The following RBFOX1 variants were observed in gnomAD, a reference collection of about 807,000 sequenced individuals.
RBFOX1 encodes the protein RNA binding protein fox-1 homolog 1.
RBFOX1 carries 8 observed loss-of-function variants against 57.7 expected under a neutral mutation model. The ratio of observed to expected loss-of-function variants is 0.14; its 90% CI spans 0.08 to 0.25. RBFOX1 has a LOEUF of 0.25. RBFOX1 is among the 10% of genes least tolerant of loss of function. RBFOX1 has a pLI of 1.00. For missense variants in RBFOX1, 611 were observed against 548.5 expected, an observed-to-expected ratio of 1.11 and a Z score of -1.14; for synonymous variants, 326 against 222.4, an observed-to-expected ratio of 1.47 and a Z score of -4.15.
chr16:5,647,807 T>A (rs1344454234), intron 3 of RBFOX1, among the ~76,000 whole-genome samples: 1 of 152,182 alleles, frequency 6.6e-6, no homozygotes, highest in Non-Finnish European at 1.5e-5. Context: ...ATTTTAAAAA[T>A]CTCTGCTTCC....
At chr16:6,752,734 T>C (rs901632981) in intron 3 of RBFOX1, among the ~76,000 whole-genome samples, 1 of 152,192 alleles carries the variant, frequency 6.6e-6, no homozygotes, top group Non-Finnish European at 1.5e-5. Flanking sequence ...TTCAAAACTT[T>C]CCTATCCCCC....
At chr16:6,571,702 G>C (rs954308372) in intron 2 of RBFOX1, among the ~76,000 whole-genome samples, 1 of 152,094 alleles carries the variant, frequency 6.6e-6, no homozygotes, top group South Asian at 2.1e-4. Flanking sequence ...AGAGCAAAAG[G>C]ATCAGTCAGG....
chr16:7,216,300 G>T (rs762500064), intron 4 of RBFOX1, among the ~76,000 whole-genome samples: 23 of 151,412 alleles, frequency 1.5e-4, no homozygotes, highest in Admixed American at 2.0e-4. Context: ...CAGAAATCCA[G>T]CTAGTCTTTT....
At chr16:5,701,878 T>C (rs971057824) in intron 3 of RBFOX1, among the ~76,000 whole-genome samples, 1 of 152,204 alleles carries the variant, frequency 6.6e-6, no homozygotes, top group Non-Finnish European at 1.5e-5. Context: ...TGGTCTTAAC[T>C]TCGTAATTTA....
At chr16:6,997,466 C>T (rs895159391) in intron 3 of RBFOX1, among the ~76,000 whole-genome samples, 1 of 152,122 alleles carries the variant, frequency 6.6e-6, no homozygotes, top group Admixed American at 6.6e-5. Context: ...CAGCAATAAA[C>T]TTTAAGTTAA....
intron 3 of RBFOX1, among the ~76,000 whole-genome samples, chr16:6,702,903 C>G (rs2062076556): frequency 6.6e-6 from 1 of 152,174 alleles, no homozygotes; most frequent in Non-Finnish European, 1.5e-5. Context: ...AACTTTGTAC[C>G]TATGAGACAT....
intron 1 of RBFOX1, among the ~76,000 whole-genome samples, chr16:5,384,149 G>A (rs1201015229): frequency 1.3e-5 from 2 of 152,166 alleles, no homozygotes; most frequent in Admixed American, 1.3e-4. Flanking sequence ...TGTGATCATT[G>A]CTTAGCAATT....
intron 4 of RBFOX1, among the ~76,000 whole-genome samples, chr16:7,516,616 T>A (rs992660632): frequency 6.6e-6 from 1 of 152,164 alleles, no homozygotes. Context: ...GGGAAAATGT[T>A]AGAAAGAGAA....
intron 1 of RBFOX1, among the ~76,000 whole-genome samples, chr16:5,462,425 C>T (rs2068821022): frequency 6.6e-6 from 1 of 152,124 alleles, no homozygotes; most frequent in African/African-American, 2.4e-5. Flanking sequence ...GCCTCGGCCT[C>T]CCAAAGTGCT....
At chr16:7,525,326 A>G (rs755278995) in intron 5 of RBFOX1, among the ~76,000 whole-genome samples, 1 of 152,100 alleles carries the variant, frequency 6.6e-6, no homozygotes, top group Non-Finnish European at 1.5e-5. Context: ...TATGTACAGA[A>G]GTATCCTAAT....
intron 2 of RBFOX1, among the ~76,000 whole-genome samples, chr16:6,627,765 G>C (rs2098329864): frequency 6.6e-6 from 1 of 152,156 alleles, no homozygotes. Flanking sequence ...TTTGGTGCAG[G>C]TCGAAACTGA....
At chr16:7,300,277 C>T (rs948567433) in intron 4 of RBFOX1, among the ~76,000 whole-genome samples, 3 of 152,130 alleles carry the variant, frequency 2.0e-5, no homozygotes, top group African/African-American at 7.2e-5. Context: ...TTGTCCGGCC[C>T]CACTGATGCC....
chr16:6,899,944 T>A (rs2068033426), intron 3 of RBFOX1, among the ~76,000 whole-genome samples: 1 of 152,196 alleles, frequency 6.6e-6, no homozygotes, highest in Non-Finnish European at 1.5e-5. Flanking sequence ...ATGTTTAGTC[T>A]TAATAGCTGG....
chr16:5,860,710 C>T (rs995939723), intron 3 of RBFOX1, among the ~76,000 whole-genome samples: 12 of 152,072 alleles, frequency 7.9e-5, no homozygotes, highest in African/African-American at 2.7e-4. Context: ...TCTATATAAG[C>T]AGAAGATCAG....
chr16:5,753,580 C>A (rs1344695045), intron 3 of RBFOX1, among the ~76,000 whole-genome samples: 3 of 151,988 alleles, frequency 2.0e-5, no homozygotes, highest in Non-Finnish European at 1.5e-5. Context: ...TATTGGCTGG[C>A]GAGAGCCGAT....
chr16:5,667,287 T>G (rs1456119058), intron 3 of RBFOX1, among the ~76,000 whole-genome samples: 5 of 152,358 alleles, frequency 3.3e-5, no homozygotes, highest in Middle Eastern at 3.4e-3. Context: ...TATTTGCCCT[T>G]TCTTATTTTC....
chr16:6,930,331 A>G lies in RBFOX1; in HGVS notation c.-15-121726A>G. ...CCAATATGCACATAAGAAGATACCT[A>G]ACATCACTAATCTCTAGAGAAATGC... On this transcript the variant is annotated intron_variant, in intron 3 of 15. Coordinates refer to ENST00000550418, the MANE Select transcript of RBFOX1 (RefSeq NM_018723.4). Among the ~76,000 whole-genome samples, 2 of 152,172 alleles carry G rather than the reference A, an allele frequency of 1.3e-5. 1 individual carries two copies. Among genetic ancestry groups the G allele is most frequent in the Non-Finnish European group, 2.9e-5 (2 of 68,032 alleles).
chr16:6,007,715 A>G (rs1248915096), intron 4 of RBFOX1, among the ~76,000 whole-genome samples: 1 of 152,210 alleles, frequency 6.6e-6, no homozygotes, highest in Admixed American at 6.5e-5. Context: ...CAGATTGATT[A>G]TAAACAGCAG....
Position 7,357,460 on chromosome 16 carries a change from T to G in RBFOX1, c.28-160687T>G, listed in dbSNP as rs144435208. The stretch of plus-strand genomic sequence containing the variant: ...GTGGAACCATCCAGGTTTTTTCCAC[T>G]TTCTTTGGCCTCACCTTTTTGCCCT... On this transcript the variant is annotated intron_variant, in intron 4 of 15. Coordinates refer to ENST00000550418, the MANE Select transcript of RBFOX1 (RefSeq NM_018723.4). Among the ~76,000 whole-genome samples, 46 of 152,288 alleles carry G rather than the reference T, an allele frequency of 3.0e-4. No homozygotes were observed. In the East Asian group the frequency reaches 7.9e-3, roughly 26 times the overall value.
Sources: allele counts gnomAD v4.1 joint callset (sites outside exome capture counted in the v4.1 genomes callset), GRCh38; gene constraint gnomAD v4.1.1; transcripts MANE v1.5; gene names NCBI Gene and HGNC (gene_info 2026-07-23, HGNC 2026-07-21).